The following NEK10 variants were observed in gnomAD, a reference collection of about 807,000 sequenced individuals.
NEK10 encodes the protein serine/threonine-protein kinase Nek10.
NEK10 carries 122 observed loss-of-function variants against 159.8 expected under a neutral mutation model. The ratio of observed to expected loss-of-function variants is 0.76; its 90% confidence interval spans 0.66 to 0.89. The LOEUF (loss-of-function observed/expected upper bound fraction) is 0.89. Among genes scored for constraint, NEK10 ranks in the 40% least tolerant of loss-of-function variants. The probability of loss-of-function intolerance (pLI) is 0.00; values close to 1 mark genes in which losing one functional copy is unlikely to be tolerated. For synonymous variants in NEK10, 466 were observed against 457.1 expected (o/e 1.02, Z -0.25); for missense variants, 1,342 against 1,323.1 (o/e 1.01, Z -0.22).
Position 27,202,446 on chromosome 3 carries a change from C to A in NEK10, c.2202G>T (p.Met734Ile), listed in dbSNP as rs150019658. 12 of 1,612,470 alleles carry A rather than the reference C, an allele frequency of 7.4e-6. No individual in the cohort carries two copies. Among genetic ancestry groups the A allele is most frequent in the Non-Finnish European group, 1.0e-5 (12 of 1,179,148 alleles). ...TGCTTACTTTTGTAGCCAAGGACAG[C>A]ATGTTAGTGCTGTAGAAGGGGGGAC... ...TLSPPFYSTN[M>I]LSLATKIVEA... The change falls in exon 24 of 36, where the codon ATG becomes ATT. Residue 734 changes from methionine to isoleucine, a missense_variant. Transcript: ENST00000691995.
chr3:27,359,056 G>T (rs751601779), intron 1 of NEK10, among the ~76,000 whole-genome samples: 1 of 152,070 alleles, frequency 6.6e-6, no homozygotes, highest in Non-Finnish European at 1.5e-5. Flanking sequence ...ACAAAAATTA[G>T]CCAGGTGTGG....
At position 27,202,423 on chromosome 3, in the gene NEK10, C is replaced by T. The variant is rs1465825477; in HGVS notation, c.2220+5G>A. 1 of 1,604,436 alleles carries T rather than the reference C, an allele frequency of 6.2e-7. No individual in the cohort carries two copies. The highest frequency in any genetic ancestry group is 8.5e-7 in the Non-Finnish European group (1 of 1,174,210). Reference sequence around the variant, plus strand: ...GAGACCCTTCTGTCTCCCAGCGTTGCTTACTTTTGTAGCCAAGGACAGCAT... The same window carrying T: ...GAGACCCTTCTGTCTCCCAGCGTTGTTTACTTTTGTAGCCAAGGACAGCAT... On this transcript the variant is annotated splice_donor_5th_base_variant and intron_variant, in intron 24 of 35. Coordinates refer to ENST00000691995, the MANE Select transcript of NEK10 (RefSeq NM_001394966.1).
chr3:27,203,806 T>A (rs953096783), intron 23 of NEK10, among the ~76,000 whole-genome samples: 1 of 152,128 alleles, frequency 6.6e-6, no homozygotes, highest in Non-Finnish European at 1.5e-5. Context: ...GAATTCCTAG[T>A]TTAAGATTTA....
Position 27,204,487 on chromosome 3 carries a change from G to A in NEK10, c.2091-1930C>T, listed in dbSNP as rs1449099245. On this transcript the variant is annotated intron_variant, in intron 23 of 35. Transcript: ENST00000691995. ...CCCCCACCCCACCACAGTCCCCAGA[G>A]TGTGATATTCCCCTTCCTGTGTCCC... Among the ~76,000 whole-genome samples, 3 of 106,092 alleles carry A rather than the reference G, an allele frequency of 2.8e-5. No homozygotes were observed. In the East Asian group the frequency reaches 8.3e-4, roughly 29 times the overall value. 69.6% of individuals were successfully genotyped at this position (106,092 alleles called of 152,430 possible).
intron 26 of NEK10, among the ~76,000 whole-genome samples, chr3:27,189,739 A>T (rs1218024970): frequency 6.6e-6 from 1 of 152,132 alleles, no homozygotes; most frequent in Non-Finnish European, 1.5e-5. Flanking sequence ...ATAAAGCTGC[A>T]TTTTTTCCTT....
At chr3:27,189,193 C>T (rs1182834858) in intron 26 of NEK10, among the ~76,000 whole-genome samples, 2 of 152,066 alleles carry the variant, frequency 1.3e-5, no homozygotes, top group Admixed American at 6.6e-5. Flanking sequence ...AACCACAGTA[C>T]ATAGAGTGAA....
At chr3:27,189,288 A>G (rs1011688037) in intron 26 of NEK10, among the ~76,000 whole-genome samples, 2 of 152,134 alleles carry the variant, frequency 1.3e-5, no homozygotes, top group African/African-American at 4.8e-5. Context: ...GCCATAATTA[A>G]GAATAGACTA....
At chr3:27,204,384 G>C (rs1450084875) in intron 23 of NEK10, among the ~76,000 whole-genome samples, 1 of 102,292 alleles carries the variant, frequency 9.8e-6, no homozygotes, top group African/African-American at 3.8e-5. Flanking sequence ...ATGTATACAT[G>C]TGCCATGCTG....
At chr3:27,174,601 C>T (rs554944106) in intron 27 of NEK10, 49 bp downstream of exon 27, 2 of 1,596,430 alleles carry the variant, frequency 1.3e-6, no homozygotes, top group Admixed American at 3.5e-5. Context: ...TTCATGTTGA[C>T]ACACTGCCAC....
At chr3:27,172,253 T>C (rs1947063969) in intron 28 of NEK10, among the ~76,000 whole-genome samples, 1 of 144,748 alleles carries the variant, frequency 6.9e-6, no homozygotes, top group Admixed American at 7.4e-5. Flanking sequence ...GAGAATCGCT[T>C]GAACCCAGGA....
chr3:27,186,020 A>G (rs1265470163), intron 26 of NEK10, among the ~76,000 whole-genome samples: 1 of 152,236 alleles, frequency 6.6e-6, no homozygotes, highest in Non-Finnish European at 1.5e-5. Flanking sequence ...CAAGGTTACA[A>G]TTAAGGTGAT....
chr3:27,348,972 G>C (rs1261235399), intron 3 of NEK10, among the ~76,000 whole-genome samples: 5 of 152,068 alleles, frequency 3.3e-5, no homozygotes, highest in Admixed American at 3.3e-4. Flanking sequence ...TGTATTTGTT[G>C]CAGACACATC....
chr3:27,222,602 A>G (rs1952232801), intron 23 of NEK10, among the ~76,000 whole-genome samples: 1 of 152,168 alleles, frequency 6.6e-6, no homozygotes, highest in African/African-American at 2.4e-5. Flanking sequence ...AAACTCTTCC[A>G]ACCAACATGA....
intron 23 of NEK10, among the ~76,000 whole-genome samples, chr3:27,220,637 A>G (rs1450379074): frequency 6.6e-6 from 1 of 151,890 alleles, no homozygotes; most frequent in African/African-American, 2.4e-5. Context: ...ATTCAACACA[A>G]TTGGCTTTTT....
chr3:27,289,274 T>G (rs563655062), intron 19 of NEK10, among the ~76,000 whole-genome samples: 1 of 152,244 alleles, frequency 6.6e-6, no homozygotes, highest in Non-Finnish European at 1.5e-5. Context: ...GTCCTCTTTC[T>G]AAGCACCTGC....
At chr3:27,240,511 C>T (rs1954426456) in intron 23 of NEK10, among the ~76,000 whole-genome samples, 1 of 152,124 alleles carries the variant, frequency 6.6e-6, no homozygotes, top group Non-Finnish European at 1.5e-5. Context: ...ATGTGTATTC[C>T]TGCTCCTTAA....
chr3:27,351,180 T>C (rs1467609858), intron 3 of NEK10, among the ~76,000 whole-genome samples: 9 of 149,484 alleles, frequency 6.0e-5, no homozygotes. Flanking sequence ...GGTGAGATTT[T>C]ATAAGAAAGA....
chr3:27,136,351 A>T (rs1943216008), intron 31 of NEK10, among the ~76,000 whole-genome samples: 1 of 151,996 alleles, frequency 6.6e-6, no homozygotes, highest in Non-Finnish European at 1.5e-5. Context: ...TGACCTTGTG[A>T]TCCACCTGTC....
intron 22 of NEK10, among the ~76,000 whole-genome samples, chr3:27,263,067 T>A (rs2040556697): frequency 6.6e-6 from 1 of 152,206 alleles, no homozygotes; most frequent in South Asian, 2.1e-4. Flanking sequence ...TCTGTTGGAG[T>A]TTGCTGGAGG....
Sources: allele counts gnomAD v4.1 joint callset (sites outside exome capture counted in the v4.1 genomes callset), GRCh38; gene constraint gnomAD v4.1.1; transcripts MANE v1.5; gene names NCBI Gene and HGNC (gene_info 2026-07-23, HGNC 2026-07-21).